WDR93: variants seen among roughly 807,000 people sequenced by gnomAD.
WDR93 encodes the protein WD repeat domain 93, also known as WD repeat-containing protein 93.
Under a neutral mutation model 82.9 loss-of-function variants are expected in WDR93, and 73 were observed. The ratio of observed to expected loss-of-function variants is 0.88; its 90% CI spans 0.73 to 1.07. The LOEUF (loss-of-function observed/expected upper bound fraction) is 1.07. Ranked by LOEUF, WDR93 falls within the 50% of genes least tolerant of loss-of-function variation. The probability of loss-of-function intolerance (pLI) is 0.00; values close to 1 mark genes in which losing one functional copy is unlikely to be tolerated. For synonymous variants in WDR93, 283 were observed against 300.1 expected (o/e 0.94, Z 0.59); for missense variants, 738 against 826.0 (o/e 0.89, Z 1.31).
chr15:89,708,844 C>A (rs1247551062), intron 4 of WDR93, among the ~76,000 whole-genome samples: 1 of 152,228 alleles, frequency 6.6e-6, no homozygotes, highest in Admixed American at 6.5e-5. Flanking sequence ...CACTCACTCA[C>A]CAGCCGAATT....
intron 11 of WDR93, among the ~76,000 whole-genome samples, chr15:89,730,322 CAAAAA>C (rs370652070): frequency 0.34 from 41,661 of 123,426 alleles, 6,656 homozygotes; most frequent in South Asian, 0.44. Flanking sequence ...AAGACTATCT[CAAAAA>C]AAAAAAAAAA....
At chr15:89,728,829 C>A (rs757409878) in intron 9 of WDR93, among the ~76,000 whole-genome samples, 194 bp from the exon 10 acceptor site, 1 of 152,220 alleles carries the variant, frequency 6.6e-6, no homozygotes, top group Non-Finnish European at 1.5e-5. Flanking sequence ...CCCACCCAAC[C>A]TGCCCTCACC....
intron 10 of WDR93, among the ~76,000 whole-genome samples, chr15:89,729,437 G>T (rs1596112075): frequency 6.6e-6 from 1 of 152,166 alleles, no homozygotes; most frequent in Admixed American, 6.5e-5. Context: ...AAGCAGCCGA[G>T]GGGGAGTTGA....
intron 9 of WDR93, among the ~76,000 whole-genome samples, chr15:89,728,606 G>A (rs1966828544): frequency 1.3e-5 from 2 of 152,176 alleles, no homozygotes; most frequent in African/African-American, 4.8e-5. Flanking sequence ...ATGAAAATCT[G>A]CAAACCCTAT....
At chr15:89,711,169 G>A (rs1965957680) in intron 4 of WDR93, among the ~76,000 whole-genome samples, 1 of 152,118 alleles carries the variant, frequency 6.6e-6, no homozygotes, top group African/African-American at 2.4e-5. Context: ...GAGTGTTCTT[G>A]CCAAAACATT....
chr15:89,741,629 T>G (rs1444779589), intron 16 of WDR93, among the ~76,000 whole-genome samples: 1 of 152,208 alleles, frequency 6.6e-6, no homozygotes. Flanking sequence ...GCCCTTTCCT[T>G]TAAGAGGCAA....
At chr15:89,702,913 G>A (rs759027471) in intron 2 of WDR93, 37 bp from the exon 3 acceptor site, 2 of 1,600,450 alleles carry the variant, frequency 1.2e-6, no homozygotes, top group Non-Finnish European at 1.7e-6. Context: ...TGAAGACAGT[G>A]ACAACTGAAA....
chr15:89,692,546 A>G (rs1462991057), intron 1 of WDR93, among the ~76,000 whole-genome samples: 1 of 152,200 alleles, frequency 6.6e-6, no homozygotes, highest in East Asian at 1.9e-4. Context: ...AGTACAACAC[A>G]GAGATATGTT....
rs1423268350 is a variant in WDR93 at position 89,731,557 on chromosome 15, C to T, written c.1325C>T (p.Ala442Val). 4 of 1,614,034 alleles carry T rather than the reference C, an allele frequency of 2.5e-6. No homozygotes were observed. Among genetic ancestry groups the T allele is most frequent in the South Asian group, 2.2e-5 (2 of 91,080 alleles). Reference sequence around the variant, plus strand: ...GGTGTGCTCACGCTGTGGGACCTGGCCAAAGGTAAGTCCTCCCTGCCTCTC... The same window carrying T: ...GGTGTGCTCACGCTGTGGGACCTGGTCAAAGGTAAGTCCTCCCTGCCTCTC... ...EDGVLTLWDL[A>V]KGFPLGVAAL... The change falls in exon 12 of 17, where the codon GCC becomes GTC. Residue 442 changes from alanine to valine, a missense_variant. Ala to Val is a moderately conservative substitution (Grantham distance 64). Transcript: ENST00000268130.
At chr15:89,739,229 T>C (rs534455668) in intron 16 of WDR93, among the ~76,000 whole-genome samples, 65 of 152,138 alleles carry the variant, frequency 4.3e-4, no homozygotes, top group Non-Finnish European at 7.8e-4. Flanking sequence ...GTAAATAAGG[T>C]TTTATTTGAA....
chr15:89,742,229 C>T (rs1758999469), intron 16 of WDR93, among the ~76,000 whole-genome samples: 1 of 151,790 alleles, frequency 6.6e-6, no homozygotes, highest in South Asian at 2.1e-4. Flanking sequence ...TCTACATCTA[C>T]ATCTATAAAT....
intron 1 of WDR93, among the ~76,000 whole-genome samples, chr15:89,698,468 ATTGT>A (rs1965296824): frequency 1.3e-5 from 2 of 152,232 alleles, no homozygotes; most frequent in African/African-American, 4.8e-5. Context: ...TTTGCTATAC[ATTGT>A]TTGTCCCGTC....
chr15:89,725,989 G>T (rs1966722406), intron 8 of WDR93, among the ~76,000 whole-genome samples: 1 of 152,092 alleles, frequency 6.6e-6, no homozygotes, highest in African/African-American at 2.4e-5. Context: ...ATAAGAAAAA[G>T]GTTTAATAAC....
chr15:89,733,357 A>G, intron 13 of WDR93, 138 bp downstream of exon 13: 1 of 775,534 alleles, frequency 1.3e-6, no homozygotes, highest in South Asian at 1.9e-5. Flanking sequence ...GCTTCTGAAG[A>G]TCACCAATGT....
intron 7 of WDR93, among the ~76,000 whole-genome samples, chr15:89,721,695 G>A (rs1966534825): frequency 1.3e-5 from 2 of 152,178 alleles, no homozygotes; most frequent in African/African-American, 2.4e-5. Flanking sequence ...CACAGTCATA[G>A]CACATTGCCA....
In WDR93 at chr15:89,702,983, C is replaced by G. The variant is rs902448411; in HGVS notation, c.337C>G (p.Gln113Glu). The G allele has an allele frequency of 2.5e-6, 4 of 1,614,114 alleles. No homozygotes were observed. Among genetic ancestry groups the G allele is most frequent in the Non-Finnish European group, 3.4e-6 (4 of 1,180,016 alleles). The change falls in exon 3 of 17, where the codon CAA becomes GAA. Residue 113 changes from glutamine to glutamate, a missense_variant. Gln to Glu is a conservative substitution (Grantham distance 29). Coordinates refer to ENST00000268130, the MANE Select transcript of WDR93 (RefSeq NM_020212.2). ...AATGCCAAATTGTATGGCTGTTTCC[C>G]AAGACTATGTGTTTATTGGAGGAGC... ...NKMPNCMAVS[Q>E]DYVFIGGAKG...
At chr15:89,725,713 C>A (rs1966711672) in intron 8 of WDR93, among the ~76,000 whole-genome samples, 5 of 152,074 alleles carry the variant, frequency 3.3e-5, no homozygotes, top group Admixed American at 3.3e-4. Context: ...CAGGAACATG[C>A]CATCAGGCCT....
intron 1 of WDR93, among the ~76,000 whole-genome samples, chr15:89,692,631 C>T (rs1964954210): frequency 6.6e-6 from 1 of 152,138 alleles, no homozygotes; most frequent in African/African-American, 2.4e-5. Context: ...GTTTTTGAGA[C>T]AGAGTTTTGC....
intron 6 of WDR93, among the ~76,000 whole-genome samples, chr15:89,716,131 G>C (rs11632056): frequency 0.42 from 64,000 of 151,960 alleles, 14,002 homozygotes; most frequent in African/African-American, 0.48. Context: ...TGCCTTTATG[G>C]CCAGTGAATA....
Sources: allele counts gnomAD v4.1 joint callset (sites outside exome capture counted in the v4.1 genomes callset), GRCh38; gene constraint gnomAD v4.1.1; transcripts MANE v1.5; gene names NCBI Gene and HGNC (gene_info 2026-07-23, HGNC 2026-07-21).